HTR4: variants seen among roughly 807,000 people sequenced by gnomAD.
The protein encoded by HTR4 is 5-hydroxytryptamine (serotonin) receptor 4, G protein-coupled.
In HTR4, 16 loss-of-function variants were observed where a neutral mutation model predicts 36.8. That is an observed-to-expected ratio of 0.43 (90% CI 0.29 to 0.66). The LOEUF (loss-of-function observed/expected upper bound fraction) is 0.66. HTR4 is among the 30% of genes least tolerant of loss of function. HTR4 has a pLI of 0.13. For synonymous variants in HTR4, 189 were observed against 185.1 expected (o/e 1.02, Z -0.17); for missense variants, 438 against 490.9 (o/e 0.89, Z 1.02).
At chr5:148,518,723 G>T (rs1198934858) in intron 5 of HTR4, among the ~76,000 whole-genome samples, 1 of 152,092 alleles carries the variant, frequency 6.6e-6, no homozygotes, top group East Asian at 1.9e-4. Flanking sequence ...ACTGCTGTCT[G>T]TAATCTTCTA....
At chr5:148,513,705 G>A (rs1377748851) in intron 5 of HTR4, among the ~76,000 whole-genome samples, 1 of 152,030 alleles carries the variant, frequency 6.6e-6, no homozygotes, top group African/African-American at 2.4e-5. Context: ...AAATGATTAA[G>A]GGAAACTGAC....
At chr5:148,618,043 A>G (rs1215304534) in intron 2 of HTR4, among the ~76,000 whole-genome samples, 1 of 151,964 alleles carries the variant, frequency 6.6e-6, no homozygotes, top group East Asian at 2.0e-4. Flanking sequence ...ACGTGAGGAG[A>G]TGGCCATCAG....
rs1444464355 is a variant in HTR4 at position 148,654,044 on chromosome 5, C to T, written c.-48+18G>A. 1.2e-5 allele frequency: 12 copies of T among 985,022 alleles called. No individual in the cohort carries two copies. Among genetic ancestry groups the T allele is most frequent in the East Asian group, 1.1e-4 (1 of 8,774 alleles). The allele number at this position is 985,022 out of a possible 1,614,324, so 61.0% of individuals were successfully genotyped here. ...GGGCTCCTGGGGTCCCGACCCCCGGCGCACTTGCCGCACATACCCGCTGCC... is the reference window on the plus strand; with the variant it reads ...GGGCTCCTGGGGTCCCGACCCCCGGTGCACTTGCCGCACATACCCGCTGCC... On this transcript the variant is annotated intron_variant, in intron 1 of 6. Transcript: ENST00000377888.
chr5:148,572,648 T>C (rs1760723004), intron 2 of HTR4, among the ~76,000 whole-genome samples: 1 of 152,136 alleles, frequency 6.6e-6, no homozygotes, highest in African/African-American at 2.4e-5. Flanking sequence ...CATGAGTTCG[T>C]CATTACCAAT....
intron 6 of HTR4, among the ~76,000 whole-genome samples, chr5:148,489,986 C>T (rs1756341594): frequency 6.6e-6 from 1 of 151,634 alleles, no homozygotes; most frequent in Non-Finnish European, 1.5e-5. Flanking sequence ...ATACATAGTC[C>T]CAAAAGAAAA....
chr5:148,572,721 C>G (rs1199265924), intron 2 of HTR4, among the ~76,000 whole-genome samples: 2 of 152,104 alleles, frequency 1.3e-5, no homozygotes. Flanking sequence ...TTTCCTGTCT[C>G]TAGAACCCTT....
At chr5:148,556,963 G>C (rs572788463) in intron 2 of HTR4, among the ~76,000 whole-genome samples, 2 of 152,284 alleles carry the variant, frequency 1.3e-5, no homozygotes, top group African/African-American at 4.8e-5. Flanking sequence ...GCATTCAAAG[G>C]GAAGAGCAAC....
downstream of HTR4, among the ~76,000 whole-genome samples, chr5:148,478,912 A>T (rs962439053): frequency 1.3e-5 from 2 of 152,098 alleles, no homozygotes; most frequent in African/African-American, 4.8e-5. Flanking sequence ...TTCCACACTC[A>T]GAAGAGATGG....
At chr5:148,512,018 T>G (rs1259862744) in intron 5 of HTR4, among the ~76,000 whole-genome samples, 1 of 152,214 alleles carries the variant, frequency 6.6e-6, no homozygotes, top group East Asian at 1.9e-4. Flanking sequence ...CATCACTCCT[T>G]TTGGAAAGCA....
At chr5:148,603,922 G>C (rs1388114383) in intron 2 of HTR4, among the ~76,000 whole-genome samples, 1 of 151,970 alleles carries the variant, frequency 6.6e-6, no homozygotes, top group Non-Finnish European at 1.5e-5. Flanking sequence ...GAGTGCAGTG[G>C]AGAAAAAAGA....
intron 3 of HTR4, among the ~76,000 whole-genome samples, chr5:148,549,320 C>T (rs188340458): frequency 1.1e-3 from 170 of 152,308 alleles, no homozygotes; most frequent in African/African-American, 4.0e-3. Flanking sequence ...CACAGTCCAC[C>T]ATTTTACACT....
At chr5:148,465,726 CAATTGT>C in intron 5 of HTR4, 2 of 1,296,822 alleles carry the variant, frequency 1.5e-6, no homozygotes, top group Non-Finnish European at 2.1e-6. Flanking sequence ...TCTGTGCCAA[CAATTGT>C]GCACCCTTAA....
At chr5:148,485,027 A>C (rs1343417575) in intron 6 of HTR4, among the ~76,000 whole-genome samples, 3 of 152,186 alleles carry the variant, frequency 2.0e-5, no homozygotes, top group Non-Finnish European at 4.4e-5. Context: ...AGGAGGAAGG[A>C]AGGAAGAAGG....
intron 2 of HTR4, among the ~76,000 whole-genome samples, chr5:148,609,126 C>A (rs767651475): frequency 1.3e-5 from 2 of 152,128 alleles, no homozygotes; most frequent in Non-Finnish European, 2.9e-5. Context: ...GGGACCCCCT[C>A]GTTGCCTAAA....
chr5:148,606,508 G>A (rs922606804), intron 2 of HTR4, among the ~76,000 whole-genome samples: 3 of 152,080 alleles, frequency 2.0e-5, no homozygotes, highest in Non-Finnish European at 2.9e-5. Context: ...CTGACCTTAG[G>A]CAAGTGGCTT....
chr5:148,614,214 G>A (rs1752564773), intron 2 of HTR4, among the ~76,000 whole-genome samples: 2 of 152,154 alleles, frequency 1.3e-5, no homozygotes, highest in South Asian at 4.1e-4. Context: ...AAAAGAGCCT[G>A]CATTGCCAAG....
chr5:148,474,603 A>C (rs1755651005), downstream of HTR4, among the ~76,000 whole-genome samples: 1 of 152,224 alleles, frequency 6.6e-6, no homozygotes. Flanking sequence ...ATGACTATTC[A>C]TCCAGGCTAC....
At chr5:148,617,845 A>T (rs1231160191) in intron 2 of HTR4, among the ~76,000 whole-genome samples, 1 of 152,084 alleles carries the variant, frequency 6.6e-6, no homozygotes, top group Non-Finnish European at 1.5e-5. Flanking sequence ...AGAAACTTCA[A>T]CTCAAAGGGA....
intron 1 of HTR4, among the ~76,000 whole-genome samples, chr5:148,637,590 A>G (rs1357101671): frequency 1.3e-5 from 2 of 152,202 alleles, no homozygotes; most frequent in African/African-American, 4.8e-5. Flanking sequence ...CAGAGAGTCC[A>G]TGATTCCTTG....
Sources: allele counts gnomAD v4.1 joint callset (sites outside exome capture counted in the v4.1 genomes callset), GRCh38; gene constraint gnomAD v4.1.1; transcripts MANE v1.5; gene names NCBI Gene and HGNC (gene_info 2026-07-23, HGNC 2026-07-21).